The following ADGRB3 variants were observed in gnomAD, a reference collection of about 807,000 sequenced individuals.
ADGRB3 encodes the protein brain-specific angiogenesis inhibitor 3.
ADGRB3 carries 37 observed loss-of-function variants against 193.4 expected under a neutral mutation model. The observed-to-expected ratio is 0.19, with a 90% CI of 0.15 to 0.25. The LOEUF (loss-of-function observed/expected upper bound fraction) is 0.25. Among genes scored for constraint, ADGRB3 ranks in the 10% least tolerant of loss-of-function variants. ADGRB3 has a pLI of 1.00. For missense variants in ADGRB3, 1,637 were observed against 1,852.9 expected (o/e 0.88, Z 2.14); for synonymous variants, 690 against 644.2 (o/e 1.07, Z -1.08).
intron 3 of ADGRB3, among the ~76,000 whole-genome samples, chr6:68,897,481 TGG>T (rs1766255019): frequency 8.8e-5 from 1 of 11,332 alleles, no homozygotes; most frequent in Non-Finnish European, 1.6e-4. Context: ...GAGGGAGGGA[TGG>T]AGGAAGGGAG....
intron 3 of ADGRB3, among the ~76,000 whole-genome samples, chr6:68,697,247 T>A (rs926032371): frequency 2.6e-5 from 4 of 152,016 alleles, no homozygotes; most frequent in African/African-American, 7.2e-5. Flanking sequence ...ATTAACCAGT[T>A]TCTTTGGGAT....
At chr6:69,268,097 CGT>C (rs1188353228) in intron 20 of ADGRB3, among the ~76,000 whole-genome samples, 3 of 152,012 alleles carry the variant, frequency 2.0e-5, no homozygotes, top group African/African-American at 7.2e-5. Context: ...CATGTATTCT[CGT>C]CTATAGAAAG....
At chr6:69,227,142 A>G (rs1417583528) in intron 17 of ADGRB3, among the ~76,000 whole-genome samples, 2 of 152,196 alleles carry the variant, frequency 1.3e-5, no homozygotes, top group Admixed American at 6.5e-5. Flanking sequence ...TAATGTGAGG[A>G]AACAGGTAAT....
chr6:68,950,365 A>C (rs768375138), intron 6 of ADGRB3, among the ~76,000 whole-genome samples: 1 of 152,218 alleles, frequency 6.6e-6, no homozygotes, highest in Non-Finnish European at 1.5e-5. Flanking sequence ...ACCTGGCTAC[A>C]TATGAGAGAA....
chr6:69,011,135 A>ATGTGTGTGTGTGTGTG lies in ADGRB3; in HGVS notation c.1930-2885_1930-2870dup, dbSNP rs66675226. Among the ~76,000 whole-genome samples, 258 of 145,018 alleles carry ATGTGTGTGTGTGTGTG rather than the reference A, an allele frequency of 1.8e-3. 2 individuals carry two copies. The highest frequency in any genetic ancestry group is 9.7e-3 in the South Asian group (44 of 4,554). On this transcript the variant is annotated intron_variant, in intron 11 of 31. Coordinates refer to ENST00000370598, the MANE Select transcript of ADGRB3 (RefSeq NM_001704.3). ...TTAGTATGTGTATATATACATATATATGTGTGTGTGTGTGTGTGTGTGTGT... is the reference window on the plus strand; with the variant it reads ...TTAGTATGTGTATATATACATATATATGTGTGTGTGTGTGTGTGTGTGTGTGTGTGTGTGTGTGTGT...
At chr6:68,852,606 A>G (rs1046952544) in intron 3 of ADGRB3, among the ~76,000 whole-genome samples, 3 of 152,016 alleles carry the variant, frequency 2.0e-5, no homozygotes, top group Non-Finnish European at 4.4e-5. Context: ...TTTGATATTT[A>G]AAAAAAGCTC....
At chr6:68,744,871 G>T (rs1766052636) in intron 3 of ADGRB3, among the ~76,000 whole-genome samples, 1 of 152,094 alleles carries the variant, frequency 6.6e-6, no homozygotes, top group African/African-American at 2.4e-5. Context: ...ATGTACCCCA[G>T]AACTTGAAGT....
intron 22 of ADGRB3, among the ~76,000 whole-genome samples, chr6:69,330,007 T>G (rs920128231): frequency 6.6e-6 from 1 of 152,180 alleles, no homozygotes; most frequent in Non-Finnish European, 1.5e-5. Flanking sequence ...AGCATGCAAA[T>G]GTAGCTTATC....
chr6:68,677,622 A>G (rs1336434185), intron 3 of ADGRB3, among the ~76,000 whole-genome samples: 1 of 141,278 alleles, frequency 7.1e-6, no homozygotes, highest in East Asian at 2.1e-4. Flanking sequence ...GGTTCAAGGG[A>G]TTCTTTCACC....
In ADGRB3 at chr6:68,912,029, T is replaced by C. The variant is rs182849094; in HGVS notation, c.758-18530T>C. Among the ~76,000 whole-genome samples, 121 of 152,240 alleles carry C rather than the reference T, an allele frequency of 7.9e-4. 1 individual carries two copies. Among genetic ancestry groups the C allele is most frequent in the Middle Eastern group, 6.8e-3 (2 of 294 alleles). ...GTTACACAGAAAAATAAAGTATTTG[T>C]ATGATTCAGTTGTGACCTTTTTGAA... is the stretch of plus-strand genomic sequence containing the variant. On this transcript the variant is annotated intron_variant, in intron 3 of 31. Coordinates refer to ENST00000370598, the MANE Select transcript of ADGRB3 (RefSeq NM_001704.3).
chr6:68,665,789 T>C (rs1235189022), intron 3 of ADGRB3, among the ~76,000 whole-genome samples: 1 of 151,876 alleles, frequency 6.6e-6, no homozygotes, highest in Non-Finnish European at 1.5e-5. Flanking sequence ...TAATTTATAC[T>C]TATGATTTGG....
intron 24 of ADGRB3, among the ~76,000 whole-genome samples, chr6:69,335,938 A>G (rs968094644): frequency 3.3e-5 from 5 of 152,062 alleles, no homozygotes; most frequent in African/African-American, 4.8e-5. Context: ...TTTGTGCTCA[A>G]TAAATATTTA....
intron 3 of ADGRB3, among the ~76,000 whole-genome samples, chr6:68,825,668 C>T (rs902158941): frequency 3.3e-5 from 5 of 152,034 alleles, no homozygotes; most frequent in African/African-American, 1.2e-4. Context: ...GTGGTTTCCC[C>T]CATGCTGTTC....
intron 8 of ADGRB3, among the ~76,000 whole-genome samples, chr6:68,972,704 A>G (rs1768622204): frequency 6.6e-6 from 1 of 152,192 alleles, no homozygotes; most frequent in Admixed American, 6.5e-5. Flanking sequence ...TGATTATATT[A>G]CTATTATTAA....
chr6:68,895,656 G>C (rs1737786499), intron 3 of ADGRB3, among the ~76,000 whole-genome samples: 1 of 151,954 alleles, frequency 6.6e-6, no homozygotes, highest in Admixed American at 6.6e-5. Flanking sequence ...CAATTGTTCA[G>C]ATCAATGTTT....
chr6:69,232,709 C>T (rs1186024150), intron 17 of ADGRB3: 1 of 1,269,874 alleles, frequency 7.9e-7, no homozygotes, highest in South Asian at 1.3e-5. Context: ...CTGCTGCTTC[C>T]CGTTTCCAGG....
chr6:69,383,164 G>C (rs1769988282), intron 31 of ADGRB3, among the ~76,000 whole-genome samples: 1 of 151,956 alleles, frequency 6.6e-6, no homozygotes, highest in Non-Finnish European at 1.5e-5. Context: ...GCTTTCATTA[G>C]AGTTAGTTTT....
intron 10 of ADGRB3, 65 bp downstream of exon 10, chr6:68,975,405 A>G (rs1436943762): frequency 1.6e-6 from 2 of 1,233,604 alleles, no homozygotes; most frequent in Non-Finnish European, 2.4e-6. Flanking sequence ...CTGTGTGAGA[A>G]TTTAACCTTC....
chr6:68,984,774 C>T (rs60944895), intron 10 of ADGRB3, among the ~76,000 whole-genome samples: 4 of 151,874 alleles, frequency 2.6e-5, no homozygotes, highest in Non-Finnish European at 5.9e-5. Context: ...TCAAAAAATT[C>T]ACTTTGGTAG....
Sources: allele counts gnomAD v4.1 joint callset (sites outside exome capture counted in the v4.1 genomes callset), GRCh38; gene constraint gnomAD v4.1.1; transcripts MANE v1.5; gene names NCBI Gene and HGNC (gene_info 2026-07-23, HGNC 2026-07-21).